The following CPEB4 variants were observed in gnomAD, a reference collection of about 807,000 sequenced individuals.
The protein encoded by CPEB4 is cytoplasmic polyadenylation element-binding protein 4.
Under a neutral mutation model 72.5 loss-of-function variants are expected in CPEB4, and 12 were observed. That is an observed-to-expected ratio of 0.17 (90% CI 0.11 to 0.27). CPEB4 has a LOEUF of 0.27. Among genes scored for constraint, CPEB4 ranks in the 10% least tolerant of loss-of-function variants. The pLI is 1.00. For missense variants in CPEB4, 614 were observed against 908.5 expected (o/e 0.68, Z 4.17); for synonymous variants, 302 against 326.3 (o/e 0.93, Z 0.80).
chr5:173,889,849 C>T lies in CPEB4; in HGVS notation c.116C>T (p.Pro39Leu), dbSNP rs774985810. The T allele has an allele frequency of 6.2e-7, 1 of 1,614,176 alleles. No individual in the cohort carries two copies. The highest frequency in any genetic ancestry group is 1.1e-5 in the South Asian group (1 of 91,082). Reference sequence around the variant, plus strand: ...CCACACCATCACCAAAATGCCACCCCCAGCCCTGCTGCTTTTATAAATAAT... The same window carrying T: ...CCACACCATCACCAAAATGCCACCCTCAGCCCTGCTGCTTTTATAAATAAT... ...QPPHHHQNATPSPAAFINNNT... is the reference protein window; with the variant it reads ...QPPHHHQNATLSPAAFINNNT... The change falls in exon 1 of 10, where the codon CCC becomes CTC. Residue 39 changes from proline (P) to leucine (L), a missense_variant. By Grantham distance (98) the Pro-to-Leu change is moderately conservative. Coordinates refer to ENST00000265085, the MANE Select transcript of CPEB4 (RefSeq NM_030627.4).
At chr5:173,909,277 C>G (rs1422658049) in intron 1 of CPEB4, among the ~76,000 whole-genome samples, 1 of 152,132 alleles carries the variant, frequency 6.6e-6, no homozygotes, top group Non-Finnish European at 1.5e-5. Context: ...GTTTTGCTTT[C>G]TCATCTAAAT....
chr5:173,919,184 A>G (rs925417404), intron 2 of CPEB4, among the ~76,000 whole-genome samples: 1 of 152,204 alleles, frequency 6.6e-6, no homozygotes, highest in African/African-American at 2.4e-5. Context: ...ATAAGAAAAC[A>G]AGCAACAATC....
chr5:173,930,755 G>A (rs1193223449), intron 2 of CPEB4, among the ~76,000 whole-genome samples: 10 of 151,998 alleles, frequency 6.6e-5, no homozygotes, highest in African/African-American at 2.2e-4. Flanking sequence ...TTGGGAGGCC[G>A]AGACAGGTGG....
chr5:173,926,385 C>G (rs924736886), intron 2 of CPEB4, among the ~76,000 whole-genome samples: 4 of 152,170 alleles, frequency 2.6e-5, no homozygotes, highest in African/African-American at 9.7e-5. Flanking sequence ...TTCTTTTTAG[C>G]ACCTCCTGCC....
intron 5 of CPEB4, 21 bp downstream of exon 5, chr5:173,945,161 A>T (rs1321090286): frequency 6.3e-7 from 1 of 1,596,982 alleles, no homozygotes. Context: ...AACTGTTTAT[A>T]GCACGGTGCC....
chr5:173,908,469 C>T (rs1756525063), intron 1 of CPEB4, among the ~76,000 whole-genome samples: 3 of 152,194 alleles, frequency 2.0e-5, no homozygotes, highest in African/African-American at 4.8e-5. Context: ...CTGTCTCTTA[C>T]CTGTAATATT....
chr5:173,925,683 A>T (rs1757218076), intron 2 of CPEB4, among the ~76,000 whole-genome samples: 2 of 152,168 alleles, frequency 1.3e-5, no homozygotes, highest in South Asian at 4.1e-4. Flanking sequence ...TCTTGCTGCA[A>T]GTCTCAAGTG....
At chr5:173,913,640 T>G in intron 2 of CPEB4, among the ~76,000 whole-genome samples, 1 of 152,236 alleles carries the variant, frequency 6.6e-6, no homozygotes, top group East Asian at 1.9e-4. Context: ...ATTCTCTTTT[T>G]AAGTTCTCCT....
intron 2 of CPEB4, among the ~76,000 whole-genome samples, chr5:173,918,802 G>A (rs897230869): frequency 2.6e-5 from 4 of 152,128 alleles, no homozygotes; most frequent in African/African-American, 9.7e-5. Context: ...GCCACAAAGG[G>A]GGAATTTGTC....
intron 1 of CPEB4, among the ~76,000 whole-genome samples, chr5:173,893,862 C>T (rs1349421248): frequency 1.3e-5 from 2 of 152,110 alleles, no homozygotes; most frequent in Non-Finnish European, 2.9e-5. Context: ...TAATCCTCCC[C>T]CCCAATAACT....
intron 1 of CPEB4, among the ~76,000 whole-genome samples, chr5:173,891,217 G>A (rs1354298375): frequency 6.6e-6 from 1 of 152,074 alleles, no homozygotes; most frequent in African/African-American, 2.4e-5. Context: ...ATATTTCATT[G>A]CAGAAACTAT....
At chr5:173,924,050 G>A (rs1193836357) in intron 2 of CPEB4, among the ~76,000 whole-genome samples, 2 of 152,056 alleles carry the variant, frequency 1.3e-5, no homozygotes, top group Admixed American at 6.6e-5. Flanking sequence ...CACCTGCCCC[G>A]AGTTGTAGTC....
chr5:173,903,299 G>A (rs1221793523), intron 1 of CPEB4, among the ~76,000 whole-genome samples: 1 of 152,176 alleles, frequency 6.6e-6, no homozygotes, highest in East Asian at 1.9e-4. Context: ...GGTTTTGAGA[G>A]CAAAGCCCTT....
chr5:173,921,705 A>G (rs1757079333), intron 2 of CPEB4, among the ~76,000 whole-genome samples: 1 of 152,202 alleles, frequency 6.6e-6, no homozygotes, highest in African/African-American at 2.4e-5. Flanking sequence ...TTTAAGCCAC[A>G]TGGTTTGGAA....
chr5:173,891,374 C>G (rs1392583327), intron 1 of CPEB4: 1 of 152,390 alleles, frequency 6.6e-6, no homozygotes, highest in East Asian at 1.9e-4. Flanking sequence ...CCTTGTAGGT[C>G]TGAACAGCCT....
At chr5:173,899,025 TG>T (rs1157419986) in intron 1 of CPEB4, among the ~76,000 whole-genome samples, 3 of 152,210 alleles carry the variant, frequency 2.0e-5, no homozygotes, top group Non-Finnish European at 4.4e-5. Context: ...TAAATAATGG[TG>T]GGACTGAGGC....
Position 173,959,709 on chromosome 5 carries a change from T to A in CPEB4, c.*3572T>A, listed in dbSNP as rs1162665598. The A allele has an allele frequency of 2.6e-5, 4 of 152,664 alleles. No homozygotes were observed. Among genetic ancestry groups the A allele is most frequent in the South Asian group, 2.1e-4 (1 of 4,836 alleles). The allele number at this position is 152,664 out of a possible 1,614,324, so 9.5% of individuals were successfully genotyped here. A position where few individuals can be genotyped will look rare whatever the true frequency, so the allele number is the denominator to read the frequency against. ...ACTAATGTAAATTTGAGATTATTTT[T>A]AAAAATGGAATAAAAGAGGTTTTGG... is the stretch of plus-strand genomic sequence containing the variant. On this transcript the variant is annotated 3_prime_UTR_variant, in exon 10 of 10. Transcript: ENST00000265085.
chr5:173,924,788 G>A (rs939732208), intron 2 of CPEB4, among the ~76,000 whole-genome samples: 12 of 152,162 alleles, frequency 7.9e-5, no homozygotes, highest in African/African-American at 2.4e-4. Flanking sequence ...ATCATCAACT[G>A]CTGACTTTGC....
chr5:173,937,265 A>G (rs941708694), intron 3 of CPEB4, among the ~76,000 whole-genome samples: 15 of 151,862 alleles, frequency 9.9e-5, no homozygotes, highest in African/African-American at 3.6e-4. Flanking sequence ...CTGGTCTCGA[A>G]CTCCTGATCT....
Sources: gnomAD v4.1 joint callset for allele counts (sites outside exome capture counted in the v4.1 genomes callset) on GRCh38, gnomAD v4.1.1 for gene constraint, MANE v1.5 for transcripts, NCBI Gene and HGNC (gene_info 2026-07-23, HGNC 2026-07-21) for gene names.